The following RELN variants were observed in gnomAD, a reference collection of about 807,000 sequenced individuals.
RELN encodes reelin.
A neutral mutation model predicts 427.6 loss-of-function variants in RELN; 108 were observed. The ratio of observed to expected loss-of-function variants is 0.25; its 90% CI spans 0.22 to 0.30. The LOEUF is 0.30. Among genes scored for constraint, RELN ranks in the 10% least tolerant of loss-of-function variants. The pLI is 1.00. For missense variants in RELN, 3,715 were observed against 4,302.8 expected, an observed-to-expected ratio of 0.86 and a Z score of 3.82; for synonymous variants, 1,524 against 1,513.4, an observed-to-expected ratio of 1.01 and a Z score of -0.16.
chr7:103,555,808 G>A (rs1320781295), intron 38 of RELN, among the ~76,000 whole-genome samples: 2 of 152,242 alleles, frequency 1.3e-5, no homozygotes, highest in Non-Finnish European at 2.9e-5. Context: ...GTGACAAGAT[G>A]TATGTATACA....
chr7:103,772,158 C>T (rs1316007463), intron 4 of RELN, among the ~76,000 whole-genome samples: 1 of 152,160 alleles, frequency 6.6e-6, no homozygotes, highest in Non-Finnish European at 1.5e-5. Context: ...ATTTGACAAA[C>T]ATTTATGAGG....
At chr7:103,792,728 G>A (rs1584496474) in intron 3 of RELN, among the ~76,000 whole-genome samples, 1 of 151,566 alleles carries the variant, frequency 6.6e-6, no homozygotes, top group East Asian at 1.9e-4. Context: ...GTATATCTGT[G>A]GATATACTAA....
intron 28 of RELN, among the ~76,000 whole-genome samples, chr7:103,578,426 A>AT (rs894848308): frequency 4.6e-5 from 7 of 152,230 alleles, no homozygotes; most frequent in African/African-American, 1.7e-4. Context: ...AGAAGACTGT[A>AT]TTTCAGAGTG....
At chr7:103,549,586 T>A (rs1408246440) in intron 41 of RELN, among the ~76,000 whole-genome samples, 1 of 152,230 alleles carries the variant, frequency 6.6e-6, no homozygotes, top group African/African-American at 2.4e-5. Context: ...ACACTTGGCT[T>A]TCAGGCTACA....
At chr7:103,479,154 G>A (rs1727616580) in intron 63 of RELN, among the ~76,000 whole-genome samples, 1 of 152,174 alleles carries the variant, frequency 6.6e-6, no homozygotes, top group Admixed American at 6.5e-5. Flanking sequence ...CACAGGAAAT[G>A]TGATGTGTGA....
chr7:103,493,353 G>C (rs1297380413), intron 57 of RELN, among the ~76,000 whole-genome samples: 1 of 152,196 alleles, frequency 6.6e-6, no homozygotes, highest in Admixed American at 6.5e-5. Flanking sequence ...TAGTTACTAG[G>C]TGATTGGTGG....
At chr7:103,581,250 C>A (rs1437712401) in intron 28 of RELN, among the ~76,000 whole-genome samples, 2 of 152,150 alleles carry the variant, frequency 1.3e-5, no homozygotes, top group Non-Finnish European at 1.5e-5. Context: ...TCTCTTGCTG[C>A]ATTTGGAATT....
intron 2 of RELN, among the ~76,000 whole-genome samples, chr7:103,876,241 T>C (rs529036423): frequency 3.5e-4 from 54 of 152,266 alleles, no homozygotes; most frequent in Non-Finnish European, 6.2e-4. Context: ...AGAATGTATC[T>C]TTTTTACCCC....
At chr7:103,659,274 T>C (rs927252248) in intron 12 of RELN, among the ~76,000 whole-genome samples, 1 of 152,084 alleles carries the variant, frequency 6.6e-6, no homozygotes, top group African/African-American at 2.4e-5. Context: ...TCTTCCATCA[T>C]ACTCCTGCTA....
intron 2 of RELN, among the ~76,000 whole-genome samples, chr7:103,907,414 GGAAAAA>G (rs1325344835): frequency 3.0e-4 from 12 of 39,684 alleles, no homozygotes; most frequent in South Asian, 2.0e-3. Flanking sequence ...TCAAGGCTCT[GGAAAAA>G]AAAAAAAAAA....
chr7:103,760,437 T>C (rs142993238), intron 4 of RELN, among the ~76,000 whole-genome samples: 18 of 152,210 alleles, frequency 1.2e-4, no homozygotes, highest in African/African-American at 4.1e-4. Context: ...AACTGACTTA[T>C]TTTGGATGGA....
intron 3 of RELN, among the ~76,000 whole-genome samples, chr7:103,790,893 C>T (rs888936999): frequency 7.2e-5 from 11 of 151,866 alleles, no homozygotes; most frequent in African/African-American, 9.7e-5. Context: ...ATCTGGGAGG[C>T]GGAGGTTGCA....
rs935204253 is a variant in RELN at position 103,573,671 on chromosome 7, TA to T, written c.4511+420del. Among the ~76,000 whole-genome samples the T allele has an allele frequency of 5.3e-5, 8 of 152,228 alleles. No homozygotes were observed. Among genetic ancestry groups the T allele is most frequent in the African/African-American group, 1.9e-4 (8 of 41,456 alleles). ...ACCAGTAGGTGTCAGTGTAGGCATT[TA>T]AAATTTCTGGGGACCATTTTCAATA... On this transcript the variant is annotated intron_variant, in intron 30 of 64. Coordinates refer to ENST00000428762, the MANE Select transcript of RELN (RefSeq NM_005045.4). This position sits in a 1 kb window ranked among gnomAD's most constrained non-coding sequence, Gnocchi z 4.4.
intron 2 of RELN, among the ~76,000 whole-genome samples, chr7:103,888,270 A>G (rs538713947): frequency 4.1e-4 from 62 of 151,840 alleles, no homozygotes; most frequent in Non-Finnish European, 7.9e-4. Flanking sequence ...TCACCCGAGA[A>G]CCTGAAATCA....
At chr7:103,934,357 T>C (rs985266288) in intron 1 of RELN, among the ~76,000 whole-genome samples, 11 of 152,206 alleles carry the variant, frequency 7.2e-5, no homozygotes, top group Admixed American at 3.3e-4. Flanking sequence ...TTATTTCTTG[T>C]TTCATGATAC....
intron 6 of RELN, among the ~76,000 whole-genome samples, chr7:103,744,554 T>C (rs994136183): frequency 2.6e-5 from 4 of 151,992 alleles, no homozygotes; most frequent in African/African-American, 9.7e-5. Context: ...AAGAATCAAA[T>C]AGATGCAATA....
chr7:103,726,519 C>T (rs1457684754), intron 7 of RELN, among the ~76,000 whole-genome samples: 1 of 152,074 alleles, frequency 6.6e-6, no homozygotes, highest in Non-Finnish European at 1.5e-5. Flanking sequence ...TATATCAACT[C>T]TAATGCTAAA....
chr7:103,623,585 T>C (rs536270137), intron 20 of RELN, among the ~76,000 whole-genome samples: 79 of 152,320 alleles, frequency 5.2e-4, no homozygotes, highest in African/African-American at 1.8e-3. Context: ...AATCCTTACA[T>C]TAGTATCAGG....
intron 9 of RELN, 115 bp from the exon 10 acceptor site, chr7:103,698,208 A>T: frequency 1.6e-6 from 2 of 1,261,424 alleles, no homozygotes; most frequent in Non-Finnish European, 2.3e-6. Context: ...TATTTATTAC[A>T]GATAAAATAG....
Sources: gnomAD v4.1 joint callset for allele counts (sites outside exome capture counted in the v4.1 genomes callset) on GRCh38, gnomAD v4.1.1 for gene constraint, Gnocchi (gnomAD v3.1) non-coding constraint, MANE v1.5 for transcripts, NCBI Gene and HGNC (gene_info 2026-07-23, HGNC 2026-07-21) for gene names.